Variants in FANCM observed in about 807,000 individuals in gnomAD.
FANCM encodes the protein Fanconi anemia group M protein.
In FANCM, 140 loss-of-function variants were observed where a neutral mutation model predicts 199.5. The ratio of observed to expected loss-of-function variants is 0.70; its 90% CI spans 0.61 to 0.81. The LOEUF is 0.81. FANCM is among the 30% of genes least tolerant of loss of function. The probability of loss-of-function intolerance (pLI) is 0.00; values close to 1 mark genes in which losing one functional copy is unlikely to be tolerated. For synonymous variants in FANCM, 840 were observed against 836.8 expected (o/e 1.00, Z -0.07); for missense variants, 2,410 against 2,421.4 (o/e 1.00, Z 0.10).
intron 6 of FANCM, 30 bp downstream of exon 6, chr14:45,154,082 A>G (rs765686839): frequency 9.5e-6 from 14 of 1,473,102 alleles, no homozygotes; most frequent in Non-Finnish European, 1.2e-5. Context: ...TTAAAGAAAT[A>G]ATGACATGTA....
At chr14:45,146,024 A>C (rs1013174100) in intron 3 of FANCM, among the ~76,000 whole-genome samples, 1 of 144,280 alleles carries the variant, frequency 6.9e-6, no homozygotes, top group African/African-American at 2.6e-5. Context: ...CCGCCACTGC[A>C]CTCCAGCCTG....
At chr14:45,137,033 G>A (rs1010690835) in intron 1 of FANCM, 36 bp from the exon 2 acceptor site, 15 of 1,493,780 alleles carry the variant, frequency 1.0e-5, no homozygotes, top group Non-Finnish European at 1.4e-5. Flanking sequence ...ATAACAGTCT[G>A]AAGTTTAGAA....
At chr14:45,141,556 GT>G (rs1885957991) in intron 3 of FANCM, among the ~76,000 whole-genome samples, 2 of 114,238 alleles carry the variant, frequency 1.8e-5, no homozygotes, top group Non-Finnish European at 3.4e-5. Context: ...CTTACCTTAC[GT>G]TCCCCTCCTT....
At chr14:45,177,367 A>C (rs960938622) in intron 14 of FANCM, among the ~76,000 whole-genome samples, 1 of 151,948 alleles carries the variant, frequency 6.6e-6, no homozygotes. Context: ...TGAAATTTTG[A>C]GGTTGATTAG....
intron 2 of FANCM, among the ~76,000 whole-genome samples, chr14:45,139,733 T>A (rs1473642031): frequency 1.3e-5 from 2 of 152,204 alleles, no homozygotes; most frequent in Non-Finnish European, 2.9e-5. Flanking sequence ...ATTCCAGCAC[T>A]TTGGAAGGCC....
chr14:45,155,229 C>A, intron 7 of FANCM, 144 bp from the exon 8 acceptor site: 1 of 527,768 alleles, frequency 1.9e-6, no homozygotes, highest in South Asian at 2.2e-5. Context: ...TACGTGCTAC[C>A]TAGATGTTAC....
At position 45,136,455 on chromosome 14, in the gene FANCM, C is replaced by T. The variant is rs771875070; in HGVS notation, c.424C>T (p.Pro142Ser). ...FPSGKVVFMAPTKPLVTQQIE... is the reference protein window; with the variant it reads ...FPSGKVVFMASTKPLVTQQIE... ...TTCAGGAAAGGTGGTCTTCATGGCC[C>T]CAACGAAACCCTTGGTGACACAGCA... is the stretch of plus-strand genomic sequence containing the variant. The change falls in exon 1 of 23, where the codon CCA becomes TCA. Residue 142 changes from proline (P) to serine (S), a missense_variant. Pro to Ser is a moderately conservative substitution (Grantham distance 74). Coordinates refer to ENST00000267430, the MANE Select transcript of FANCM (RefSeq NM_020937.4). 1.1e-5 allele frequency: 17 copies of T among 1,614,124 alleles called. No homozygotes were observed. In the East Asian group the frequency reaches 3.6e-4, roughly 34 times the overall value.
chr14:45,167,038 C>G lies in FANCM; in HGVS notation c.1877C>G (p.Pro626Arg). 6.2e-7 allele frequency: 1 copy of G among 1,611,470 alleles called. No homozygotes were observed. The highest frequency in any genetic ancestry group is 1.1e-5 in the South Asian group (1 of 91,040). Reference protein sequence around the residue: ...RQVLHFYQRSPRMVPDGINPK... With the variant: ...RQVLHFYQRSRRMVPDGINPK... Reference sequence around the variant, plus strand: ...GTCCTTCATTTTTACCAAAGAAGTCCACGAATGGTTCCTGATGGAATCAAC... The same window carrying G: ...GTCCTTCATTTTTACCAAAGAAGTCGACGAATGGTTCCTGATGGAATCAAC... The change falls in exon 11 of 23, where the codon CCA (proline) becomes CGA (arginine). Residue 626 changes from proline to arginine, a missense_variant. Transcript: ENST00000267430.
At chr14:45,147,756 G>A (rs1886511998) in intron 3 of FANCM, among the ~76,000 whole-genome samples, 1 of 151,732 alleles carries the variant, frequency 6.6e-6, no homozygotes, top group South Asian at 2.1e-4. Context: ...AGCTGGGCAT[G>A]GTGACATATG....
intron 18 of FANCM, among the ~76,000 whole-genome samples, chr14:45,187,115 G>A (rs992650129): frequency 6.6e-6 from 1 of 152,146 alleles, no homozygotes; most frequent in East Asian, 1.9e-4. Flanking sequence ...TATGTTATTG[G>A]GAAGGCTGCA....
In FANCM at chr14:45,175,173, G is replaced by C. The variant is rs1479283039; in HGVS notation, c.2419G>C (p.Asp807His). 1 of 1,610,948 alleles carries C rather than the reference G, an allele frequency of 6.2e-7. No individual in the cohort carries two copies. Among genetic ancestry groups the C allele is most frequent in the Admixed American group, 1.7e-5 (1 of 59,924 alleles). Residue 807 changes from aspartate to histidine, a missense_variant, in exon 14 of 23, where the codon GAC becomes CAC. Asp to His is a moderately conservative substitution (Grantham distance 81). Transcript: ENST00000267430. ...GAATGAATCTAATAATCTTGCCAGT[G>C]ACACCTTTATCACTCACAAGAAATC... is the stretch of plus-strand genomic sequence containing the variant. ...PRNESNNLAS[D>H]TFITHKKSSF...
intron 3 of FANCM, among the ~76,000 whole-genome samples, chr14:45,143,226 G>T (rs1299681046): frequency 6.6e-6 from 1 of 150,600 alleles, no homozygotes; most frequent in Non-Finnish European, 1.5e-5. Context: ...CTGGAGGGCA[G>T]TGCACAATAA....
chr14:45,189,893 G>T (rs1326447583), intron 20 of FANCM, among the ~76,000 whole-genome samples: 5 of 151,650 alleles, frequency 3.3e-5, no homozygotes, highest in African/African-American at 1.2e-4. Context: ...GCTTAAATCC[G>T]GGAGGCAGAG....
intron 9 of FANCM, 32 bp downstream of exon 9, chr14:45,159,312 A>G: frequency 1.3e-6 from 2 of 1,507,352 alleles, no homozygotes; most frequent in Non-Finnish European, 1.8e-6. Context: ...AAAAATAAAA[A>G]TAAGATTGAT....
At chr14:45,194,896 C>T (rs546866281) in intron 20 of FANCM, among the ~76,000 whole-genome samples, 178 of 151,672 alleles carry the variant, frequency 1.2e-3, no homozygotes, top group African/African-American at 4.2e-3. Context: ...ACTGCAACTC[C>T]GCCTCCCACA....
chr14:45,182,274 A>T (rs965171505), intron 16 of FANCM, among the ~76,000 whole-genome samples: 1 of 152,212 alleles, frequency 6.6e-6, no homozygotes, highest in South Asian at 2.1e-4. Context: ...CTAAAGGAAG[A>T]CCCAAAAGTG....
chr14:45,182,970 ATGTT>A (rs908005006), intron 16 of FANCM, among the ~76,000 whole-genome samples: 25 of 152,308 alleles, frequency 1.6e-4, no homozygotes, highest in African/African-American at 5.5e-4. Flanking sequence ...GAAGAACAGA[ATGTT>A]TGTATGGGCA....
intron 11 of FANCM, 24 bp downstream of exon 11, chr14:45,167,187 C>T (rs749416127): frequency 2.9e-6 from 4 of 1,376,010 alleles, no homozygotes; most frequent in African/African-American, 1.4e-5. Flanking sequence ...GCATTTGACA[C>T]ATGCATTTTT....
intron 18 of FANCM, 45 bp downstream of exon 18, chr14:45,185,418 G>T: frequency 8.8e-7 from 1 of 1,134,828 alleles, no homozygotes; most frequent in Non-Finnish European, 1.3e-6. Context: ...ATGTTTTTAT[G>T]TGCTTATATT....
Sources: allele counts gnomAD v4.1 joint callset (sites outside exome capture counted in the v4.1 genomes callset), GRCh38; gene constraint gnomAD v4.1.1; transcripts MANE v1.5; gene names NCBI Gene and HGNC (gene_info 2026-07-23, HGNC 2026-07-21).